Variants in PATJ observed in about 807,000 individuals in gnomAD.
PATJ encodes the protein PATJ crumbs cell polarity complex component.
Under a neutral mutation model 224.9 loss-of-function variants are expected in PATJ, and 190 were observed. The observed-to-expected ratio is 0.84, with a 90% CI of 0.75 to 0.95. The LOEUF is 0.95. Among genes scored for constraint, PATJ ranks in the 40% least tolerant of loss-of-function variants. PATJ has a pLI of 0.00. For synonymous variants in PATJ, 769 were observed against 820.3 expected, an observed-to-expected ratio of 0.94 and a Z score of 1.07; for missense variants, 2,121 against 2,270.3, an observed-to-expected ratio of 0.93 and a Z score of 1.34.
chr1:62,111,789 T>G (rs935858662), intron 34 of PATJ, among the ~76,000 whole-genome samples: 1 of 151,792 alleles, frequency 6.6e-6, no homozygotes, highest in African/African-American at 2.4e-5. Context: ...GCCTCCCAAG[T>G]AGCTGGGATT....
intron 27 of PATJ, among the ~76,000 whole-genome samples, chr1:61,966,325 G>A (rs949399712): frequency 9.9e-5 from 15 of 152,198 alleles, no homozygotes; most frequent in African/African-American, 3.6e-4. Context: ...ACTGGAAAGG[G>A]GTTAGGATCC....
At chr1:61,871,795 C>G (rs1334413973) in intron 20 of PATJ, among the ~76,000 whole-genome samples, 3 of 151,028 alleles carry the variant, frequency 2.0e-5, no homozygotes, top group African/African-American at 7.3e-5. Flanking sequence ...AACTCCTGAC[C>G]TCAGGCTATC....
At chr1:61,971,587 T>C (rs754035119) in intron 27 of PATJ, among the ~76,000 whole-genome samples, 5 of 152,096 alleles carry the variant, frequency 3.3e-5, no homozygotes, top group East Asian at 3.9e-4. Flanking sequence ...CACTCTAGCC[T>C]GAGTGACAGA....
chr1:62,100,486 C>A (rs1662017923), intron 33 of PATJ: 2 of 695,428 alleles, frequency 2.9e-6, no homozygotes, highest in Admixed American at 2.1e-5. Context: ...CAGCATTAAT[C>A]CATCCTTGAG....
intron 13 of PATJ, among the ~76,000 whole-genome samples, chr1:61,806,618 C>G (rs1464166275): frequency 2.7e-5 from 2 of 75,048 alleles, no homozygotes; most frequent in Non-Finnish European, 5.6e-5. Context: ...GATTCCGCCT[C>G]AAAAAAAAAA....
intron 2 of PATJ, 21 bp from the exon 3 acceptor site, chr1:61,762,992 A>G: frequency 6.3e-7 from 1 of 1,594,850 alleles, no homozygotes; most frequent in Non-Finnish European, 8.6e-7. Context: ...CTATTACTCT[A>G]CTTATTCATC....
chr1:61,860,261 A>C (rs1557770208), intron 18 of PATJ, among the ~76,000 whole-genome samples: 1 of 151,356 alleles, frequency 6.6e-6, no homozygotes. Context: ...GGGTCTCTCC[A>C]TGTTGCCCAG....
rs1646887139 is a variant in PATJ, at chr1:62,018,063, T to C, written c.3959+116T>C. ...GAAATCACTGTTCCTTCTAAAAACA[T>C]ATATTCCTTTTGTAACTGTCACTTC... On this transcript the variant is annotated intron_variant, in intron 29 of 43. Transcript: ENST00000642238. The surrounding 1 kb of genome is among the most constrained non-coding windows in gnomAD (Gnocchi z 4.2). 1.7e-6 allele frequency: 1 copy of C among 584,840 alleles called. No individual in the cohort carries two copies. Among genetic ancestry groups the C allele is most frequent in the Admixed American group, 2.4e-5 (1 of 41,462 alleles). 36.2% of individuals were successfully genotyped at this position (584,840 alleles called of 1,614,324 possible).
At chr1:61,943,657 G>A (rs896758293) in intron 27 of PATJ, among the ~76,000 whole-genome samples, 3 of 152,150 alleles carry the variant, frequency 2.0e-5, no homozygotes, top group African/African-American at 7.2e-5. Context: ...CACCTCTGGG[G>A]GCAGGGCATA....
intron 39 of PATJ, among the ~76,000 whole-genome samples, chr1:62,125,072 C>A (rs1431092591): frequency 5.3e-5 from 8 of 151,500 alleles, no homozygotes; most frequent in Non-Finnish European, 1.5e-5. Flanking sequence ...CAAATAATTT[C>A]TTTTAAAATT....
At chr1:61,781,570 C>T (rs909768468) in intron 7 of PATJ, among the ~76,000 whole-genome samples, 1 of 152,194 alleles carries the variant, frequency 6.6e-6, no homozygotes. Context: ...TCTCAGCACA[C>T]CTACATCCAA....
intron 9 of PATJ, among the ~76,000 whole-genome samples, chr1:61,793,475 T>A (rs1650325738): frequency 6.6e-6 from 1 of 152,148 alleles, no homozygotes; most frequent in South Asian, 2.1e-4. Flanking sequence ...GCTTGGTGGC[T>A]CATGCCTGTA....
chr1:62,070,278 G>A (rs1417701948), intron 31 of PATJ, among the ~76,000 whole-genome samples: 1 of 152,158 alleles, frequency 6.6e-6, no homozygotes, highest in Admixed American at 6.5e-5. Flanking sequence ...ATTCCCATGA[G>A]CCTTATTGAC....
At position 61,763,181 on chromosome 1, in the gene PATJ, TA is replaced by T; in HGVS notation, c.189+4del. The T allele has an allele frequency of 6.5e-7, 1 of 1,544,218 alleles. No individual in the cohort carries two copies. Among genetic ancestry groups the T allele is most frequent in the Non-Finnish European group, 8.7e-7 (1 of 1,144,044 alleles). On this transcript the variant is annotated splice_donor_region_variant and intron_variant, in intron 3 of 43. Transcript: ENST00000642238. The stretch of plus-strand genomic sequence containing the variant: ...TCCATCAAGCAACTGAAGGGTCAAG[TA>T]AGTTACCCATCAGAGTTTTACATTA...
rs980023495 is a variant in PATJ at position 62,030,939 on chromosome 1, T to C, written c.3960-7038T>C. 2.0e-5 allele frequency among the ~76,000 whole-genome samples: 3 copies of C among 152,348 alleles called. No individual in the cohort carries two copies. The East Asian group carries it at 5.8e-4, about 29-fold the overall frequency. ...CCTGTAGGTGAACATTTGGGTTGTT[T>C]CCAGTTTTTAGTTACTATGAATAAG... is the stretch of plus-strand genomic sequence containing the variant. On this transcript the variant is annotated intron_variant, in intron 29 of 43. Transcript: ENST00000642238.
chr1:61,835,068 AAAAG>A (rs1218933877), intron 17 of PATJ, among the ~76,000 whole-genome samples: 1 of 152,158 alleles, frequency 6.6e-6, no homozygotes, highest in African/African-American at 2.4e-5. Flanking sequence ...AATTTACTGA[AAAAG>A]AAATCTATTT....
At chr1:61,959,662 A>C (rs1680989512) in intron 27 of PATJ, among the ~76,000 whole-genome samples, 1 of 151,746 alleles carries the variant, frequency 6.6e-6, no homozygotes, top group East Asian at 1.9e-4. Flanking sequence ...GGCTGGTCTC[A>C]AACTCCTGGA....
chr1:62,030,483 C>T (rs901775259), intron 29 of PATJ, among the ~76,000 whole-genome samples: 4 of 152,252 alleles, frequency 2.6e-5, no homozygotes, highest in South Asian at 4.2e-4. Flanking sequence ...TCCAAGCCAA[C>T]ATAGTTGTCT....
chr1:61,820,570 T>C (rs895210525), intron 14 of PATJ, among the ~76,000 whole-genome samples: 2 of 151,574 alleles, frequency 1.3e-5, no homozygotes, highest in African/African-American at 2.4e-5. Flanking sequence ...TTGAACTCAC[T>C]ACCTCAGGTG....
Sources: allele counts gnomAD v4.1 joint callset (sites outside exome capture counted in the v4.1 genomes callset), GRCh38; gene constraint gnomAD v4.1.1; non-coding constraint Gnocchi (gnomAD v3.1); transcripts MANE v1.5; gene names NCBI Gene and HGNC (gene_info 2026-07-23, HGNC 2026-07-21).